The following MAD1L1 variants were observed in gnomAD, a reference collection of about 807,000 sequenced individuals.
The protein encoded by MAD1L1 is mitotic spindle assembly checkpoint protein MAD1.
MAD1L1 carries 95 observed loss-of-function variants against 96.9 expected under a neutral mutation model. The ratio of observed to expected loss-of-function variants is 0.98; its 90% CI spans 0.83 to 1.16. The LOEUF is 1.16. MAD1L1 is among the 50% of genes most tolerant of loss of function. MAD1L1 has a pLI of 0.00. For missense variants in MAD1L1, 1,007 were observed against 954.4 expected, an observed-to-expected ratio of 1.06 and a Z score of -0.73; for synonymous variants, 473 against 396.6, an observed-to-expected ratio of 1.19 and a Z score of -2.29.
chr7:1,866,640 TG>T (rs1784792829), intron 18 of MAD1L1, among the ~76,000 whole-genome samples: 1 of 152,146 alleles, frequency 6.6e-6, no homozygotes, highest in Non-Finnish European at 1.5e-5. Context: ...GCAGAGGCCA[TG>T]GCACCTCTTG....
chr7:1,924,900 G>A (rs73671930), intron 17 of MAD1L1, among the ~76,000 whole-genome samples: 6,135 of 152,078 alleles, frequency 0.04, 167 homozygotes, highest in Middle Eastern at 0.15. Flanking sequence ...TAAGTGCACC[G>A]TGAAATGTTA....
At chr7:2,004,135 C>T (rs1781924753) in intron 13 of MAD1L1, among the ~76,000 whole-genome samples, 1 of 152,182 alleles carries the variant, frequency 6.6e-6, no homozygotes, top group South Asian at 2.1e-4. Context: ...AGCCCTACAC[C>T]CCGCCCAGGT....
intron 18 of MAD1L1, among the ~76,000 whole-genome samples, chr7:1,857,969 G>A (rs1407515668): frequency 6.6e-6 from 1 of 152,240 alleles, no homozygotes; most frequent in African/African-American, 2.4e-5. Context: ...TCCCTTGGCT[G>A]TGGCCCACGC....
chr7:2,085,154 G>A (rs1444979226), intron 11 of MAD1L1, among the ~76,000 whole-genome samples: 4 of 152,308 alleles, frequency 2.6e-5, no homozygotes, highest in East Asian at 3.9e-4. Context: ...TGCTAGCCAC[G>A]GGTCTCAGAA....
intron 15 of MAD1L1, among the ~76,000 whole-genome samples, chr7:1,976,332 G>A (rs1336000041): frequency 6.6e-6 from 1 of 152,234 alleles, no homozygotes; most frequent in East Asian, 1.9e-4. Flanking sequence ...GTTCGGACAT[G>A]TTCGGAGTTT....
At chr7:2,130,254 C>A (rs2128567568) in intron 11 of MAD1L1, among the ~76,000 whole-genome samples, 2 of 152,338 alleles carry the variant, frequency 1.3e-5, no homozygotes, top group Non-Finnish European at 2.9e-5. Context: ...TGCCTCCCCG[C>A]TGAAATATTT....
chr7:1,972,289 AT>A, intron 15 of MAD1L1, among the ~76,000 whole-genome samples: 1 of 152,214 alleles, frequency 6.6e-6, no homozygotes, highest in East Asian at 1.9e-4. Flanking sequence ...GATCTTAATT[AT>A]TAACTGTTTG....
intron 12 of MAD1L1, among the ~76,000 whole-genome samples, chr7:2,028,532 C>T (rs953492255): frequency 1.3e-5 from 2 of 151,784 alleles, no homozygotes; most frequent in Admixed American, 6.6e-5. Flanking sequence ...AATGCATTCT[C>T]AATAAAAACT....
chr7:1,987,190 A>G (rs1162017350), intron 14 of MAD1L1, among the ~76,000 whole-genome samples: 1 of 151,858 alleles, frequency 6.6e-6, no homozygotes, highest in Non-Finnish European at 1.5e-5. Context: ...CTGTGACCGC[A>G]CCCTCTACTC....
chr7:2,130,498 C>T (rs1584393778), intron 11 of MAD1L1, among the ~76,000 whole-genome samples: 1 of 152,278 alleles, frequency 6.6e-6, no homozygotes, highest in South Asian at 2.1e-4. Flanking sequence ...ACCAGCTTCC[C>T]ACATAGTCTT....
chr7:1,908,789 C>T (rs1399275712), intron 17 of MAD1L1, among the ~76,000 whole-genome samples: 1 of 152,184 alleles, frequency 6.6e-6, no homozygotes, highest in Non-Finnish European at 1.5e-5. Flanking sequence ...GTAGCAGAGC[C>T]GTGTCTCTGT....
intron 16 of MAD1L1, among the ~76,000 whole-genome samples, chr7:1,950,309 T>C (rs1354525245): frequency 1.5e-5 from 2 of 135,202 alleles, no homozygotes; most frequent in Admixed American, 8.0e-5. Flanking sequence ...ACTCACACCA[T>C]CCGTCTGTCC....
chr7:2,140,271 G>A (rs989294262), intron 11 of MAD1L1, among the ~76,000 whole-genome samples: 12 of 152,142 alleles, frequency 7.9e-5, no homozygotes, highest in African/African-American at 2.4e-4. Flanking sequence ...CTGCCCAAAC[G>A]TAAAACAGTG....
At chr7:2,138,685 G>A (rs907043868) in intron 11 of MAD1L1, among the ~76,000 whole-genome samples, 2 of 152,180 alleles carry the variant, frequency 1.3e-5, no homozygotes, top group African/African-American at 4.8e-5. Flanking sequence ...CAAGCACTGA[G>A]AGGAAGGCCA....
chr7:2,191,323 C>G (rs889043293), intron 10 of MAD1L1, among the ~76,000 whole-genome samples: 1 of 152,224 alleles, frequency 6.6e-6, no homozygotes, highest in Non-Finnish European at 1.5e-5. Context: ...CAATAGCAAA[C>G]AGCCCTCCTG....
intron 4 of MAD1L1, among the ~76,000 whole-genome samples, chr7:2,224,758 G>A (rs1256679864): frequency 1.3e-5 from 2 of 152,168 alleles, no homozygotes; most frequent in African/African-American, 4.8e-5. Flanking sequence ...GAGCAGAGGG[G>A]ATCCGCGCAC....
At chr7:1,907,520 G>A (rs1787737520) in intron 17 of MAD1L1, among the ~76,000 whole-genome samples, 2 of 152,256 alleles carry the variant, frequency 1.3e-5, no homozygotes, top group South Asian at 4.1e-4. Context: ...AAGCCAGGAG[G>A]ACAATCCTAC....
chr7:1,848,102 G>A (rs1021525023), intron 18 of MAD1L1: 1 of 273,222 alleles, frequency 3.7e-6, no homozygotes, highest in African/African-American at 2.2e-5. Flanking sequence ...GGAGCTCCTG[G>A]GGGCACACAG....
chr7:2,082,126 C>T (rs542102390), intron 11 of MAD1L1, among the ~76,000 whole-genome samples: 7 of 151,814 alleles, frequency 4.6e-5, no homozygotes, highest in African/African-American at 9.7e-5. Flanking sequence ...AACAAGCTCC[C>T]GGGAACACCT....
Sources: allele counts gnomAD v4.1 joint callset (sites outside exome capture counted in the v4.1 genomes callset), GRCh38; gene constraint gnomAD v4.1.1; transcripts MANE v1.5; gene names NCBI Gene and HGNC (gene_info 2026-07-23, HGNC 2026-07-21).